The following FAM47E variants were observed in gnomAD, a reference collection of about 807,000 sequenced individuals.
The protein encoded by FAM47E is family with sequence similarity 47 member E, also known as protein FAM47E.
FAM47E carries 32 observed loss-of-function variants against 41.6 expected under a neutral mutation model. The ratio of observed to expected loss-of-function variants is 0.77; its 90% CI spans 0.58 to 1.03. FAM47E has a LOEUF of 1.03. Ranked by LOEUF, FAM47E falls within the 50% of genes least tolerant of loss-of-function variation. The pLI, the probability that FAM47E is intolerant of heterozygous loss-of-function variation, is 0.00. For missense variants in FAM47E, 424 were observed against 485.4 expected (o/e 0.87, Z 1.19); for synonymous variants, 184 against 188.7 (o/e 0.98, Z 0.20).
At chr4:76,230,054 T>C (rs940424081) in intron 2 of FAM47E, among the ~76,000 whole-genome samples, 1 of 152,180 alleles carries the variant, frequency 6.6e-6, no homozygotes, top group Non-Finnish European at 1.5e-5. Context: ...AGGATATGTA[T>C]TTGGGTTTCT....
chr4:76,265,868 C>T (rs547679740), intron 3 of FAM47E, among the ~76,000 whole-genome samples: 41 of 152,270 alleles, frequency 2.7e-4, no homozygotes, highest in African/African-American at 7.9e-4. Flanking sequence ...AGGATGCAAG[C>T]GACACCAACT....
chr4:76,278,882 A>G (rs1735236307), intron 6 of FAM47E: 1 of 152,280 alleles, frequency 6.6e-6, no homozygotes, highest in South Asian at 2.1e-4. Context: ...ACACTTGCAT[A>G]GTACTCTAAT....
chr4:76,254,625 C>T (rs116163997), intron 1 of FAM47E, among the ~76,000 whole-genome samples: 2,886 of 152,148 alleles, frequency 0.019, 67 homozygotes, highest in Middle Eastern at 0.051. Context: ...AGAATTGGGG[C>T]CAGGCTGGAA....
chr4:76,251,223 G>A (rs1278024868), upstream of FAM47E, among the ~76,000 whole-genome samples: 1 of 152,122 alleles, frequency 6.6e-6, no homozygotes, highest in Non-Finnish European at 1.5e-5. Flanking sequence ...AGGGCCTCTG[G>A]AAATCAGCTG....
chr4:76,235,733 A>G (rs972752595), intron 2 of FAM47E, among the ~76,000 whole-genome samples: 2 of 152,246 alleles, frequency 1.3e-5, no homozygotes, highest in Non-Finnish European at 2.9e-5. Flanking sequence ...TCACAAATTC[A>G]TTGACTAGTT....
chr4:76,226,238 G>A (rs1163010107), intron 2 of FAM47E, among the ~76,000 whole-genome samples: 6 of 152,224 alleles, frequency 3.9e-5, no homozygotes, highest in East Asian at 3.8e-4. Flanking sequence ...AAACAAAGAA[G>A]CAGGTGGTGA....
intron 2 of FAM47E, among the ~76,000 whole-genome samples, chr4:76,230,664 G>A (rs953420969): frequency 2.0e-5 from 3 of 152,116 alleles, no homozygotes; most frequent in Admixed American, 6.5e-5. Context: ...AGGAAAGAGC[G>A]TCCTCTTTCC....
chr4:76,214,183 T>A (rs1438013471), exon 1 of FAM47E: 1 of 453,054 alleles, frequency 2.2e-6, no homozygotes, highest in Non-Finnish European at 4.4e-6. Flanking sequence ...GACATTCCCC[T>A]GCTCTAGAGG....
intron 7 of FAM47E, chr4:76,281,800 A>G (rs1410963751): frequency 2.0e-5 from 3 of 152,192 alleles, no homozygotes; most frequent in African/African-American, 4.8e-5. Flanking sequence ...CCGCAATGCA[A>G]CGGGGCTCTC....
At chr4:76,230,499 C>T (rs546052024) in intron 2 of FAM47E, among the ~76,000 whole-genome samples, 4 of 152,318 alleles carry the variant, frequency 2.6e-5, no homozygotes, top group African/African-American at 7.2e-5. Flanking sequence ...TCTGCCCACA[C>T]GATGGGCCAT....
At chr4:76,259,135 C>A (rs990803415) in intron 2 of FAM47E, among the ~76,000 whole-genome samples, 4 of 152,180 alleles carry the variant, frequency 2.6e-5, no homozygotes, top group African/African-American at 9.7e-5. Context: ...AAGAGATCTC[C>A]TCTGCCAAAT....
At chr4:76,268,826 T>C in intron 4 of FAM47E, 58 bp downstream of exon 4, 1 of 1,544,182 alleles carries the variant, frequency 6.5e-7, no homozygotes, top group Non-Finnish European at 8.7e-7. Context: ...AAGTTAGTGG[T>C]AATATTTAAA....
chr4:76,221,958 T>A (rs1261574551), intron 2 of FAM47E, among the ~76,000 whole-genome samples: 1 of 152,222 alleles, frequency 6.6e-6, no homozygotes, highest in African/African-American at 2.4e-5. Context: ...CCACATGATG[T>A]TGTGGAATTC....
rs113569430 is a variant in FAM47E, at chr4:76,231,691, G to A, written c.81+14003G>A. Among the ~76,000 whole-genome samples the A allele has an allele frequency of 5.8e-3, 881 of 152,346 alleles. 11 individuals are homozygous for A. Among genetic ancestry groups the A allele is most frequent in the African/African-American group, 0.02 (833 of 41,572 alleles). ...TGGAAGTTTGTTCCACAAGGAATCA[G>A]ATAAGACCTTTTAAAGCTGAGCCCA... On this transcript the variant is annotated intron_variant, in intron 2 of 7. Coordinates refer to the FAM47E transcript ENST00000510197.
intron 5 of FAM47E, among the ~76,000 whole-genome samples, chr4:76,273,583 A>T (rs139724336): frequency 6.6e-6 from 1 of 152,304 alleles, no homozygotes; most frequent in Admixed American, 6.5e-5. Context: ...CATTTTGATT[A>T]TCATAAACCT....
chr4:76,271,775 G>T lies in FAM47E; in HGVS notation c.870+7G>T, dbSNP rs901269374. The T allele has an allele frequency of 1.3e-6, 2 of 1,550,188 alleles. No homozygotes were observed. The highest frequency in any genetic ancestry group is 2.7e-5 in the African/African-American group (2 of 72,926). ...GAAACTCCAGAAACCACAGGTAATTGCAGAAGGGGACCAGACCGAAAATCA... is the reference window on the plus strand; with the variant it reads ...GAAACTCCAGAAACCACAGGTAATTTCAGAAGGGGACCAGACCGAAAATCA... On this transcript the variant is annotated splice_region_variant and intron_variant, in intron 5 of 7. Transcript: ENST00000424749.
chr4:76,221,442 C>A (rs889006082), intron 2 of FAM47E, among the ~76,000 whole-genome samples: 1 of 152,114 alleles, frequency 6.6e-6, no homozygotes, highest in Non-Finnish European at 1.5e-5. Flanking sequence ...CCTCAGCCTC[C>A]CGAGTAGCTG....
intron 1 of FAM47E, among the ~76,000 whole-genome samples, chr4:76,255,228 A>G (rs573408206): frequency 2.6e-5 from 4 of 152,270 alleles, no homozygotes; most frequent in South Asian, 2.1e-4. Context: ...CAGCTCTACC[A>G]TTTATTAGCT....
intron 5 of FAM47E, among the ~76,000 whole-genome samples, chr4:76,276,033 GACAGACACACACAC>G (rs1224848275): frequency 0.023 from 1,797 of 79,314 alleles, 26 homozygotes; most frequent in African/African-American, 0.076. Flanking sequence ...CAGACAGACA[GACAGACACACACAC>G]ACACACACAC....
Sources: allele counts gnomAD v4.1 joint callset (sites outside exome capture counted in the v4.1 genomes callset), GRCh38; gene constraint gnomAD v4.1.1; transcripts MANE v1.5; gene names NCBI Gene and HGNC (gene_info 2026-07-23, HGNC 2026-07-21).